ESR1: variants seen among roughly 807,000 people sequenced by gnomAD.
ESR1 encodes estrogen receptor 1.
A neutral mutation model predicts 52.7 loss-of-function variants in ESR1; 12 were observed. The observed-to-expected ratio is 0.23, with a 90% CI of 0.15 to 0.37. The LOEUF (loss-of-function observed/expected upper bound fraction) is 0.37. Ranked by LOEUF, ESR1 falls within the 10% of genes least tolerant of loss-of-function variation. The pLI is 1.00. For missense variants in ESR1, 584 were observed against 779.7 expected (o/e 0.75, Z 2.99); for synonymous variants, 305 against 316.8 (o/e 0.96, Z 0.39).
chr6:152,033,607 C>T (rs544783093), intron 5 of ESR1, among the ~76,000 whole-genome samples: 1 of 152,282 alleles, frequency 6.6e-6, no homozygotes, highest in Admixed American at 6.5e-5. Flanking sequence ...CCATCTCACA[C>T]CAGTTAGAAT....
intron 4 of ESR1, among the ~76,000 whole-genome samples, chr6:151,978,362 T>G (rs550573530): frequency 1.3e-5 from 2 of 152,076 alleles, no homozygotes; most frequent in Admixed American, 6.6e-5. Flanking sequence ...AATACGAACA[T>G]TAGGAGACAT....
intron 2 of ESR1, among the ~76,000 whole-genome samples, chr6:151,756,976 C>T (rs1355279204): frequency 2.6e-5 from 4 of 151,680 alleles, no homozygotes; most frequent in African/African-American, 4.8e-5. Context: ...GGCGACAGAG[C>T]GAGACTCTGT....
rs767863538 is a variant in ESR1 at position 151,808,207 on chromosome 6, C to G, written c.295C>G (p.Pro99Ala). ...FGSNGLGGFP[P>A]LNSVSPSPLM... ...CTCCAACGGCCTGGGGGGTTTCCCC[C>G]CACTCAACAGCGTGTCTCCGAGCCC... The change falls in exon 1 of 8, where the codon CCA becomes GCA. Residue 99 changes from proline to alanine, a missense_variant. Pro to Ala is a conservative substitution (Grantham distance 27). Around this residue, in one of 6 missense-constraint regions of ESR1, gnomAD observed 251 missense variants for 246.1 expected, o/e 1.02. Coordinates refer to ENST00000206249, the MANE Select transcript of ESR1 (RefSeq NM_000125.4). 3 of 1,573,578 alleles carry G rather than the reference C, an allele frequency of 1.9e-6. No individual in the cohort carries two copies. Among genetic ancestry groups the G allele is most frequent in the Admixed American group, 1.8e-5 (1 of 54,318 alleles).
In ESR1 at chr6:152,061,045, T is replaced by C. The variant is rs2128958001; in HGVS notation, c.1290T>C (p.Ala430=). ...GMVEIFDMLL[A]TSSRFRMMNL... is the part of the protein sequence containing the mutation. The stretch of plus-strand genomic sequence containing the variant: ...TGGAGATCTTCGACATGCTGCTGGC[T>C]ACATCATCTCGGTTCCGCATGATGA... Residue 430 remains alanine (A), a synonymous_variant, in exon 6 of 8, where the codon GCT becomes GCC. Coordinates refer to ENST00000206249, the MANE Select transcript of ESR1 (RefSeq NM_000125.4). This position sits in a 1 kb window ranked among gnomAD's most constrained non-coding sequence, Gnocchi z 4.3. 6.2e-7 allele frequency: 1 copy of C among 1,613,158 alleles called. No homozygotes were observed. Among genetic ancestry groups the C allele is most frequent in the South Asian group, 1.1e-5 (1 of 91,048 alleles).
At chr6:151,695,663 T>A (rs1016903848) in intron 1 of ESR1, among the ~76,000 whole-genome samples, 4 of 152,308 alleles carry the variant, frequency 2.6e-5, no homozygotes, top group Middle Eastern at 3.4e-3. Flanking sequence ...TAATTCCTTT[T>A]GGAACGTTAC....
intron 1 of ESR1, among the ~76,000 whole-genome samples, chr6:151,658,400 C>T (rs1212723173): frequency 9.9e-5 from 15 of 152,192 alleles, no homozygotes; most frequent in African/African-American, 3.4e-4. Context: ...TCACACACAG[C>T]ACACCAGTGC....
intron 6 of ESR1, among the ~76,000 whole-genome samples, chr6:152,085,183 G>A (rs377752856): frequency 5.3e-5 from 8 of 152,150 alleles, no homozygotes; most frequent in African/African-American, 1.7e-4. Flanking sequence ...TGTGCCTATA[G>A]ACCCAGCTAC....
intron 2 of ESR1, among the ~76,000 whole-genome samples, chr6:151,787,772 A>G (rs910123227): frequency 5.9e-5 from 9 of 152,188 alleles, no homozygotes; most frequent in Non-Finnish European, 1.0e-4. Flanking sequence ...TTCTAAATAT[A>G]GGGACATGTC....
intron 2 of ESR1, among the ~76,000 whole-genome samples, chr6:151,763,277 T>C (rs2128099255): frequency 6.6e-6 from 1 of 152,078 alleles, no homozygotes; most frequent in African/African-American, 2.4e-5. Context: ...TCACTTGTTG[T>C]CTTTCCATAT....
intron 1 of ESR1, among the ~76,000 whole-genome samples, chr6:151,830,504 G>GCT (rs151011860): frequency 4.0e-5 from 6 of 150,724 alleles, no homozygotes; most frequent in East Asian, 1.9e-4. Context: ...TCAAATTGCA[G>GCT]CTCTCTCTCT....
chr6:152,041,559 T>C (rs936290196), intron 5 of ESR1, among the ~76,000 whole-genome samples: 1 of 152,246 alleles, frequency 6.6e-6, no homozygotes, highest in African/African-American at 2.4e-5. Context: ...AGAAGTTCCC[T>C]AAATTTTAGT....
At chr6:151,978,289 CAACTGAA>C in intron 4 of ESR1, among the ~76,000 whole-genome samples, 1 of 152,046 alleles carries the variant, frequency 6.6e-6, no homozygotes, top group African/African-American at 2.4e-5. Context: ...AAGATTTAGT[CAACTGAA>C]AAATATATCC....
intron 2 of ESR1, among the ~76,000 whole-genome samples, chr6:151,859,665 G>A (rs370935117): frequency 9.2e-5 from 14 of 152,300 alleles, no homozygotes; most frequent in African/African-American, 2.9e-4. Flanking sequence ...AGCTGCCAGG[G>A]TTGACTTCCT....
In ESR1 at chr6:151,976,514, T is replaced by C. The variant is rs9397461; in HGVS notation, c.1096+32006T>C. On this transcript the variant is annotated intron_variant, in intron 4 of 7. Coordinates refer to ENST00000206249, the MANE Select transcript of ESR1 (RefSeq NM_000125.4). Reference sequence around the variant, plus strand: ...ATAAAACCTTTTTGGTTTTAGAGGTTCTATGTGTCTGGAAAGTACAGTGAA... The same window carrying C: ...ATAAAACCTTTTTGGTTTTAGAGGTCCTATGTGTCTGGAAAGTACAGTGAA... 4.8e-3 allele frequency among the ~76,000 whole-genome samples: 729 copies of C among 152,296 alleles called. 5 individuals are homozygous for C. Among genetic ancestry groups the C allele is most frequent in the East Asian group, 0.013 (68 of 5,188 alleles).
At chr6:151,958,993 T>TGTGTGTGTGTGTGTGTGTGTGTGTGTGC (rs1437735036) in intron 4 of ESR1, among the ~76,000 whole-genome samples, 2 of 152,014 alleles carry the variant, frequency 1.3e-5, no homozygotes, top group East Asian at 1.9e-4. Flanking sequence ...TGTGTGTGTG[T>TGTGTGTGTGTGTGTGTGTGTGTGTGTGC]GCGTGTGTGT....
intron 3 of ESR1, among the ~76,000 whole-genome samples, chr6:151,913,238 G>A (rs1482905021): frequency 1.3e-5 from 2 of 152,006 alleles, no homozygotes; most frequent in East Asian, 1.9e-4. Context: ...CACCACGTGC[G>A]GATTTTCACC....
At chr6:151,762,602 A>C (rs541942156) in intron 2 of ESR1, among the ~76,000 whole-genome samples, 4 of 152,322 alleles carry the variant, frequency 2.6e-5, no homozygotes, top group African/African-American at 7.2e-5. Context: ...AGCTTTGAGA[A>C]TCATACAGGT....
At chr6:151,859,106 A>T (rs712221) in intron 2 of ESR1, among the ~76,000 whole-genome samples, 71,020 of 152,046 alleles carry the variant, frequency 0.47, 17,455 homozygotes, top group African/African-American at 0.64. Flanking sequence ...TTCATGTTCA[A>T]TAACTTTTCC....
At chr6:151,826,188 G>A (rs910346130) in intron 1 of ESR1, among the ~76,000 whole-genome samples, 2 of 152,164 alleles carry the variant, frequency 1.3e-5, no homozygotes, top group East Asian at 3.8e-4. Flanking sequence ...AGGAGCATCA[G>A]GAAGTGGATT....
Sources: allele counts gnomAD v4.1 joint callset (sites outside exome capture counted in the v4.1 genomes callset), GRCh38; gene constraint gnomAD v4.1.1; regional missense constraint gnomAD v4.1.1; non-coding constraint Gnocchi (gnomAD v3.1); transcripts MANE v1.5; gene names NCBI Gene and HGNC (gene_info 2026-07-23, HGNC 2026-07-21).